Variants in SERPINB11 observed in about 807,000 individuals in gnomAD.
The protein encoded by SERPINB11 is serpin family B member 11.
In SERPINB11, 32 loss-of-function variants were observed where a neutral mutation model predicts 36.7. That is an observed-to-expected ratio of 0.87 (90% CI 0.66 to 1.17). The LOEUF is 1.17. Among genes scored for constraint, SERPINB11 ranks in the 50% most tolerant of loss-of-function variants. The probability of loss-of-function intolerance (pLI) is 0.00; values close to 1 mark genes in which losing one functional copy is unlikely to be tolerated. For synonymous variants in SERPINB11, 174 were observed against 168.1 expected (o/e 1.04, Z -0.27); for missense variants, 528 against 458.4 (o/e 1.15, Z -1.39).
chr18:63,719,895 G>T, intron 5 of SERPINB11, 118 bp from the exon 6 acceptor site: 1 of 737,254 alleles, frequency 1.4e-6, no homozygotes, highest in Non-Finnish European at 2.1e-6. Context: ...AGTTCTTCTG[G>T]TATCTCAAAT....
chr18:63,707,433 C>T (rs1015479877), intron 1 of SERPINB11, among the ~76,000 whole-genome samples: 12 of 152,212 alleles, frequency 7.9e-5, no homozygotes, highest in African/African-American at 2.9e-4. Flanking sequence ...AGGCCACAGT[C>T]CTGCCCATCT....
chr18:63,712,775 G>A lies in SERPINB11; in HGVS notation c.357+82G>A, dbSNP rs564991117. On this transcript the variant is annotated intron_variant, in intron 4 of 7. Coordinates refer to ENST00000544088, the MANE Select transcript of SERPINB11 (RefSeq NM_001370475.1). The stretch of plus-strand genomic sequence containing the variant: ...CCCCAAAATTGATGAAGAGTGAGAA[G>A]AGTCACATGACATTTATCATTAAGA... The A allele has an allele frequency of 5.7e-6, 8 of 1,409,150 alleles. No individual in the cohort carries two copies. In the African/African-American group the frequency reaches 1.0e-4, roughly 18 times the overall value. 87.3% of individuals were successfully genotyped at this position (1,409,150 alleles called of 1,614,324 possible).
Position 63,712,665 on chromosome 18 carries a change from A to G in SERPINB11, c.329A>G (p.Tyr110Cys). The G allele has an allele frequency of 1.9e-6, 3 of 1,613,850 alleles. No individual in the cohort carries two copies. Among genetic ancestry groups the G allele is most frequent in the Non-Finnish European group, 2.5e-6 (3 of 1,179,756 alleles). Residue 110 changes from tyrosine to cysteine, a missense_variant, in exon 4 of 8, where the codon TAC (tyrosine) becomes TGC (cysteine). Transcript: ENST00000544088. ...ACCCTCAGCATTGCCAACAGGCTCT[A>G]CGGGACAAAGACGATGGCATTTCAT... ...NCTLSIANRL[Y>C]GTKTMAFHQQ...
At chr18:63,714,807 A>C (rs1206723052) in intron 4 of SERPINB11, among the ~76,000 whole-genome samples, 1 of 152,152 alleles carries the variant, frequency 6.6e-6, no homozygotes, top group African/African-American at 2.4e-5. Flanking sequence ...TAACGCAATC[A>C]TCACAGGGTC....
At position 63,702,974 on chromosome 18, in the gene SERPINB11, C is replaced by T. The variant is rs1338726634; in HGVS notation, c.-48C>T. On this transcript the variant is annotated 5_prime_UTR_variant, in exon 1 of 8. Coordinates refer to ENST00000544088, the MANE Select transcript of SERPINB11 (RefSeq NM_001370475.1). The stretch of plus-strand genomic sequence containing the variant: ...GACGCAGCTCCAGTCTAACTTGCCA[C>T]TCTGTGAACTTCACTACTGGAAAGC... 6.6e-6 allele frequency: 1 copy of T among 152,192 alleles called. No individual in the cohort carries two copies. The highest frequency in any genetic ancestry group is 1.5e-5 in the Non-Finnish European group (1 of 68,050). The allele number at this position is 152,192 out of a possible 1,614,324, so 9.4% of individuals were successfully genotyped here.
chr18:63,714,281 C>G (rs765369144), intron 4 of SERPINB11, among the ~76,000 whole-genome samples: 2 of 152,098 alleles, frequency 1.3e-5, no homozygotes, highest in Non-Finnish European at 2.9e-5. Context: ...AGATCACATG[C>G]TTCACAAGGC....
chr18:63,705,271 T>C (rs1484729901), intron 1 of SERPINB11: 1 of 152,138 alleles, frequency 6.6e-6, no homozygotes, highest in African/African-American at 2.4e-5. Context: ...AGACGGGGTT[T>C]TCGCCACGTT....
intron 1 of SERPINB11, 114 bp from the exon 2 acceptor site, chr18:63,710,065 T>C: frequency 1.3e-6 from 1 of 748,752 alleles, no homozygotes; most frequent in Non-Finnish European, 2.0e-6. Context: ...GTATGTAGTT[T>C]TTCATGAAGC....
rs181305141 is a variant in SERPINB11, at chr18:63,722,040, G to A, written c.775-955G>A. Among the ~76,000 whole-genome samples, 152 of 152,312 alleles carry A rather than the reference G, an allele frequency of 1.0e-3. 1 individual carries two copies. The highest frequency in any genetic ancestry group is 3.7e-3 in the African/African-American group (152 of 41,570). ...AGGAATTCCTAGTACAGCAATTTCA[G>A]TCCGAGCCTTGCTGGATGAATAGGA... On this transcript the variant is annotated intron_variant, in intron 7 of 7. Transcript: ENST00000544088.
intron 4 of SERPINB11, among the ~76,000 whole-genome samples, chr18:63,714,046 C>T (rs1288092773): frequency 1.3e-5 from 2 of 152,098 alleles, no homozygotes; most frequent in Non-Finnish European, 2.9e-5. Flanking sequence ...TTGGGGGAAC[C>T]CGCCCTGATA....
chr18:63,711,963 C>A (rs1287343496), intron 3 of SERPINB11, among the ~76,000 whole-genome samples: 1 of 152,096 alleles, frequency 6.6e-6, no homozygotes, highest in Non-Finnish European at 1.5e-5. Context: ...CAACTTACTA[C>A]TAAAAGTTCA....
intron 3 of SERPINB11, 97 bp downstream of exon 3, chr18:63,711,491 C>A (rs1914525924): frequency 1.1e-6 from 1 of 888,414 alleles, no homozygotes; most frequent in Non-Finnish European, 1.8e-6. Flanking sequence ...TTCTTTTGCC[C>A]ATGAGGGAAC....
Position 63,713,930 on chromosome 18 carries a change from A to C in SERPINB11, c.357+1237A>C, listed in dbSNP as rs191050297. On this transcript the variant is annotated intron_variant, in intron 4 of 7. Transcript: ENST00000544088. ...TATTTCAGGATTCTGGCTGGGAAAA[A>C]GTCCATCTCCTGGGCTATGGAGAGT... 7.9e-4 allele frequency among the ~76,000 whole-genome samples: 121 copies of C among 152,264 alleles called. 1 individual carries two copies. Among genetic ancestry groups the C allele is most frequent in the African/African-American group, 2.9e-3 (121 of 41,542 alleles).
intron 1 of SERPINB11, among the ~76,000 whole-genome samples, chr18:63,709,263 T>C (rs1488118449): frequency 1.3e-5 from 2 of 152,150 alleles, no homozygotes; most frequent in African/African-American, 4.8e-5. Flanking sequence ...TACTTGTTAG[T>C]ATTGTCTTAT....
chr18:63,711,449 A>C (rs1157385363), intron 3 of SERPINB11, 55 bp downstream of exon 3: 1 of 1,334,828 alleles, frequency 7.5e-7, no homozygotes. Flanking sequence ...GAAGGATGAA[A>C]TAATAGTCTG....
At chr18:63,706,735 A>G (rs1398435028) in intron 1 of SERPINB11, among the ~76,000 whole-genome samples, 2 of 152,214 alleles carry the variant, frequency 1.3e-5, no homozygotes, top group East Asian at 1.9e-4. Flanking sequence ...GGCTTAAACA[A>G]TAAGCAAAAA....
chr18:63,722,958 T>C, intron 7 of SERPINB11, 37 bp from the exon 8 acceptor site: 1 of 1,514,296 alleles, frequency 6.6e-7, no homozygotes, highest in Non-Finnish European at 8.8e-7. Context: ...GGTCGTGTGT[T>C]TGACTCATGT....
rs139131358 is a variant in SERPINB11, at chr18:63,710,086, G to A, written c.-15-93G>A. The A allele has an allele frequency of 1.4e-4, 146 of 1,012,668 alleles. No individual in the cohort carries two copies. In the East Asian group the frequency reaches 3.7e-3, roughly 26 times the overall value. 62.7% of individuals were successfully genotyped at this position (1,012,668 alleles called of 1,614,324 possible). On this transcript the variant is annotated intron_variant, in intron 1 of 7. Coordinates refer to ENST00000544088, the MANE Select transcript of SERPINB11 (RefSeq NM_001370475.1). ...AGTTTTTCATGAAGCAGTGTGCCCT[G>A]ATACTTAAACTCATGAAATACAATA... is the stretch of plus-strand genomic sequence containing the variant.
chr18:63,711,286 A>G, intron 2 of SERPINB11, 49 bp from the exon 3 acceptor site: 1 of 1,256,056 alleles, frequency 8.0e-7, no homozygotes, highest in Non-Finnish European at 1.2e-6. Flanking sequence ...ACCTTTATAG[A>G]CTGTACATTG....
Sources: allele counts gnomAD v4.1 joint callset (sites outside exome capture counted in the v4.1 genomes callset), GRCh38; gene constraint gnomAD v4.1.1; transcripts MANE v1.5; gene names NCBI Gene and HGNC (gene_info 2026-07-23, HGNC 2026-07-21).